KLF12: variants seen among roughly 807,000 people sequenced by gnomAD.
The protein encoded by KLF12 is Krueppel-like factor 12.
A neutral mutation model predicts 37.8 loss-of-function variants in KLF12; 9 were observed. That is an observed-to-expected ratio of 0.24 (90% CI 0.14 to 0.42). KLF12 has a LOEUF of 0.42. Ranked by LOEUF, KLF12 falls within the 10% of genes least tolerant of loss-of-function variation. The pLI, the probability that KLF12 is intolerant of heterozygous loss-of-function variation, is 1.00. For synonymous variants in KLF12, 208 were observed against 202.1 expected (o/e 1.03, Z -0.25); for missense variants, 411 against 516.0 (o/e 0.80, Z 1.97).
At chr13:73,800,334 T>G (rs1045942982) in intron 5 of KLF12, 7 of 151,932 alleles carry the variant, frequency 4.6e-5, no homozygotes, top group Non-Finnish European at 8.8e-5. Flanking sequence ...ACTACATGAG[T>G]CTAGTGGGAA....
intron 5 of KLF12, chr13:73,801,346 T>C (rs1176128075): frequency 6.6e-6 from 1 of 152,090 alleles, no homozygotes; most frequent in Non-Finnish European, 1.5e-5. Context: ...TGCATCCTGG[T>C]GAACTGAGTT....
chr13:74,056,214 G>A (rs17062045), intron 1 of KLF12, among the ~76,000 whole-genome samples: 17,466 of 152,122 alleles, frequency 0.11, 1,120 homozygotes, highest in African/African-American at 0.15. Flanking sequence ...CAAGAATGGA[G>A]CCCACACTGT....
chr13:73,937,429 A>G (rs1593755862), intron 3 of KLF12, among the ~76,000 whole-genome samples: 1 of 152,312 alleles, frequency 6.6e-6, no homozygotes, highest in East Asian at 1.9e-4. Context: ...AATCACTCAG[A>G]GTATTTAATT....
the KLF12 span, among the ~76,000 whole-genome samples, chr13:74,302,048 T>G: frequency 6.6e-6 from 1 of 152,080 alleles, no homozygotes; most frequent in Non-Finnish European, 1.5e-5. Context: ...TGAAGGATGT[T>G]TTTGGTTTGG....
chr13:74,128,863 A>G (rs1004443597), intron 1 of KLF12, among the ~76,000 whole-genome samples: 1 of 151,608 alleles, frequency 6.6e-6, no homozygotes, highest in Admixed American at 6.6e-5. Flanking sequence ...TTTTTACTGT[A>G]TTTCTCGGTC....
At chr13:73,806,235 C>T (rs1882619437) in intron 5 of KLF12, among the ~76,000 whole-genome samples, 1 of 151,804 alleles carries the variant, frequency 6.6e-6, no homozygotes, top group African/African-American at 2.4e-5. Flanking sequence ...CCCTGAGTTG[C>T]TGGGATTACA....
At chr13:73,962,406 A>G (rs1438435124) in intron 2 of KLF12, among the ~76,000 whole-genome samples, 1 of 152,218 alleles carries the variant, frequency 6.6e-6, no homozygotes, top group African/African-American at 2.4e-5. Context: ...ATGATAGTGA[A>G]TACACATCAA....
chr13:74,194,336 C>T, the KLF12 span, among the ~76,000 whole-genome samples: 6 of 152,262 alleles, frequency 3.9e-5, no homozygotes, highest in Admixed American at 2.6e-4. Flanking sequence ...AGTCTGTTTG[C>T]GCTGCTGTAA....
intron 6 of KLF12, among the ~76,000 whole-genome samples, chr13:73,738,122 TATACACACAC>T (rs1237945312): frequency 3.8e-3 from 245 of 64,840 alleles, no homozygotes; most frequent in African/African-American, 0.025. Context: ...TATATATATA[TATACACACAC>T]ACACATATAT....
chr13:73,996,610 T>C (rs191912995), intron 1 of KLF12, among the ~76,000 whole-genome samples: 4 of 152,372 alleles, frequency 2.6e-5, no homozygotes, highest in Admixed American at 2.0e-4. Context: ...ATTTACTTCT[T>C]AACTTTTGCC....
the KLF12 span, among the ~76,000 whole-genome samples, chr13:74,213,299 C>T: frequency 2.6e-5 from 4 of 151,884 alleles, no homozygotes; most frequent in Admixed American, 6.6e-5. Flanking sequence ...TAAGTAATTA[C>T]TAAATTTTAG....
At chr13:73,875,685 G>T (rs74774200) in intron 3 of KLF12, among the ~76,000 whole-genome samples, 1,703 of 152,022 alleles carry the variant, frequency 0.011, 33 homozygotes, top group African/African-American at 0.038. Context: ...ATTGATAAAG[G>T]TGTATTAAAA....
At chr13:74,150,772 T>A in the KLF12 span, among the ~76,000 whole-genome samples, 1 of 152,116 alleles carries the variant, frequency 6.6e-6, no homozygotes, top group Non-Finnish European at 1.5e-5. Flanking sequence ...AGATGGCTAC[T>A]TTTAAGGGAC....
intron 3 of KLF12, among the ~76,000 whole-genome samples, chr13:73,904,157 G>A (rs1593702498): frequency 6.6e-6 from 1 of 152,128 alleles, no homozygotes; most frequent in Non-Finnish European, 1.5e-5. Flanking sequence ...CTCAGAAATA[G>A]GCAATCGTGA....
intron 4 of KLF12, among the ~76,000 whole-genome samples, chr13:73,839,541 C>A (rs1201872510): frequency 6.6e-6 from 1 of 151,938 alleles, no homozygotes; most frequent in Non-Finnish European, 1.5e-5. Flanking sequence ...TTCCACTAAA[C>A]AATGAAGAAA....
chr13:74,267,851 G>A, the KLF12 span, among the ~76,000 whole-genome samples: 1 of 152,110 alleles, frequency 6.6e-6, no homozygotes, highest in Admixed American at 6.6e-5. Flanking sequence ...GTCCAAATGT[G>A]TACAATTATT....
chr13:74,041,106 T>C (rs974522239), intron 1 of KLF12, among the ~76,000 whole-genome samples: 2 of 152,216 alleles, frequency 1.3e-5, no homozygotes, highest in African/African-American at 4.8e-5. Context: ...ACAACCACAC[T>C]AGACTACTTA....
At chr13:73,897,661 C>T (rs894515205) in intron 3 of KLF12, among the ~76,000 whole-genome samples, 1 of 152,186 alleles carries the variant, frequency 6.6e-6, no homozygotes, top group African/African-American at 2.4e-5. Context: ...TGTTACACAT[C>T]CCTATTCTAA....
At chr13:73,913,628 C>G (rs1429835035) in intron 3 of KLF12, among the ~76,000 whole-genome samples, 1 of 152,112 alleles carries the variant, frequency 6.6e-6, no homozygotes, top group Non-Finnish European at 1.5e-5. Context: ...ACTGGATGGG[C>G]TAATAAATAA....
Sources: gnomAD v4.1 joint callset for allele counts (sites outside exome capture counted in the v4.1 genomes callset) on GRCh38, gnomAD v4.1.1 for gene constraint, MANE v1.5 for transcripts, NCBI Gene and HGNC (gene_info 2026-07-23, HGNC 2026-07-21) for gene names.